NVL: variants seen among roughly 807,000 people sequenced by gnomAD.
The protein encoded by NVL is nuclear valosin-containing protein-like.
In NVL, 84 loss-of-function variants were observed where a neutral mutation model predicts 110.2. That is an observed-to-expected ratio of 0.76 (90% CI 0.64 to 0.91). The LOEUF (loss-of-function observed/expected upper bound fraction) is 0.91. Among genes scored for constraint, NVL ranks in the 40% least tolerant of loss-of-function variants. The pLI is 0.00. For synonymous variants in NVL, 354 were observed against 361.1 expected, an observed-to-expected ratio of 0.98 and a Z score of 0.22; for missense variants, 882 against 1,035.9, an observed-to-expected ratio of 0.85 and a Z score of 2.04.
At chr1:224,256,790 G>A (rs183000837) in intron 18 of NVL, among the ~76,000 whole-genome samples, 204 of 152,090 alleles carry the variant, frequency 1.3e-3, no homozygotes, top group Non-Finnish European at 2.8e-3. Flanking sequence ...TGTCTTTCCC[G>A]TCTTAGTTAA....
intron 19 of NVL, among the ~76,000 whole-genome samples, chr1:224,242,163 T>G (rs907167630): frequency 6.6e-6 from 1 of 152,118 alleles, no homozygotes; most frequent in African/African-American, 2.4e-5. Context: ...AATGGGCAGT[T>G]TGTGTTTAAT....
chr1:224,238,002 A>G (rs541808910), intron 19 of NVL, among the ~76,000 whole-genome samples: 1 of 150,812 alleles, frequency 6.6e-6, no homozygotes, highest in East Asian at 1.9e-4. Flanking sequence ...ACACACACAA[A>G]AGTGAATAAA....
chr1:224,266,080 CT>C (rs927166913), intron 18 of NVL, among the ~76,000 whole-genome samples: 14 of 152,308 alleles, frequency 9.2e-5, no homozygotes, highest in African/African-American at 3.4e-4. Context: ...CATTTTCTGT[CT>C]CACCACTAAC....
chr1:224,302,541 C>T (rs1230362009), intron 9 of NVL, among the ~76,000 whole-genome samples: 1 of 152,066 alleles, frequency 6.6e-6, no homozygotes, highest in Non-Finnish European at 1.5e-5. Flanking sequence ...GGATATTTTA[C>T]ATTACTGTCC....
At chr1:224,238,073 C>T (rs1465660163) in intron 19 of NVL, among the ~76,000 whole-genome samples, 4 of 151,512 alleles carry the variant, frequency 2.6e-5, no homozygotes, top group Admixed American at 2.0e-4. Flanking sequence ...CTGGCTCTGT[C>T]ATCCAGGCTT....
intron 19 of NVL, 189 bp from the exon 20 acceptor site, chr1:224,236,771 C>T (rs1976786): frequency 0.35 from 167,845 of 476,152 alleles, 30,232 homozygotes; most frequent in East Asian, 0.53. Flanking sequence ...ATTAGCTGGG[C>T]GTTATGGTAT....
At chr1:224,249,046 A>G (rs1250196719) in intron 19 of NVL, among the ~76,000 whole-genome samples, 1 of 152,256 alleles carries the variant, frequency 6.6e-6, no homozygotes, top group East Asian at 1.9e-4. Context: ...CCAAGGCTAT[A>G]GAAATGTAGA....
At chr1:224,252,861 C>T (rs1662659562) in intron 18 of NVL, among the ~76,000 whole-genome samples, 3 of 152,190 alleles carry the variant, frequency 2.0e-5, no homozygotes, top group Admixed American at 2.0e-4. Context: ...CTGCCCTTAC[C>T]TGCTCTCCTT....
chr1:224,306,541 C>G (rs1558338339), intron 6 of NVL, among the ~76,000 whole-genome samples: 1 of 152,172 alleles, frequency 6.6e-6, no homozygotes, highest in Admixed American at 6.5e-5. Context: ...GCTGGGAATA[C>G]AGGTGTGAGC....
chr1:224,271,385 C>A (rs960264363), intron 17 of NVL, among the ~76,000 whole-genome samples: 3 of 152,046 alleles, frequency 2.0e-5, no homozygotes, highest in African/African-American at 7.2e-5. Flanking sequence ...GCTACTCAGG[C>A]AGCTGAGGTG....
chr1:224,326,777 G>A (rs1415738184), intron 1 of NVL, among the ~76,000 whole-genome samples: 2 of 152,186 alleles, frequency 1.3e-5, no homozygotes, highest in African/African-American at 2.4e-5. Flanking sequence ...CATAAGGGTA[G>A]GAGGGGATAT....
At chr1:224,241,776 A>C (rs1661218599) in intron 19 of NVL, among the ~76,000 whole-genome samples, 1 of 151,886 alleles carries the variant, frequency 6.6e-6, no homozygotes, top group Non-Finnish European at 1.5e-5. Context: ...GAATCGCTTG[A>C]ACCCGGGAAG....
chr1:224,248,740 G>A (rs1294829278), intron 19 of NVL, among the ~76,000 whole-genome samples: 1 of 152,220 alleles, frequency 6.6e-6, no homozygotes, highest in Non-Finnish European at 1.5e-5. Context: ...AAGAAGGTAA[G>A]TTAACAAAAT....
intron 16 of NVL, among the ~76,000 whole-genome samples, chr1:224,278,351 GC>G (rs1665980856): frequency 6.7e-6 from 1 of 149,334 alleles, no homozygotes; most frequent in Non-Finnish European, 1.5e-5. Context: ...TCCTGCCTCA[GC>G]TTCCTGAGTA....
chr1:224,275,285 G>A (rs1257690278), intron 17 of NVL, 54 bp downstream of exon 17: 13 of 1,604,188 alleles, frequency 8.1e-6, no homozygotes, highest in Non-Finnish European at 1.1e-5. Flanking sequence ...TTGGAACATA[G>A]AAAAGGTTTA....
At chr1:224,305,763 G>A (rs187029480) in intron 6 of NVL, among the ~76,000 whole-genome samples, 2,341 of 152,264 alleles carry the variant, frequency 0.015, 24 homozygotes, top group Non-Finnish European at 0.023. Context: ...GGCTGGTATC[G>A]AACTCCTGAC....
At chr1:224,286,215 GTTTTT>G in intron 14 of NVL, 85 bp from the exon 15 acceptor site, 2 of 734,486 alleles carry the variant, frequency 2.7e-6, no homozygotes, top group Non-Finnish European at 4.3e-6. Flanking sequence ...ATATTTTATG[GTTTTT>G]TTTTTTTTTT....
At chr1:224,278,997 T>A in intron 16 of NVL, among the ~76,000 whole-genome samples, 1 of 152,154 alleles carries the variant, frequency 6.6e-6, no homozygotes, top group East Asian at 1.9e-4. Context: ...AGTGCTGGGA[T>A]TATAGGTGTG....
chr1:224,265,566 CG>C (rs1326964624), intron 18 of NVL, among the ~76,000 whole-genome samples: 1 of 151,958 alleles, frequency 6.6e-6, no homozygotes, highest in Non-Finnish European at 1.5e-5. Flanking sequence ...GGGCTGTTAA[CG>C]ATAGAATAGG....
Sources: gnomAD v4.1 joint callset for allele counts (sites outside exome capture counted in the v4.1 genomes callset) on GRCh38, gnomAD v4.1.1 for gene constraint, MANE v1.5 for transcripts, NCBI Gene and HGNC (gene_info 2026-07-23, HGNC 2026-07-21) for gene names.